The following SYNE4 variants were observed in gnomAD, a reference collection of about 807,000 sequenced individuals.
SYNE4 encodes the protein nesprin-4.
Under a neutral mutation model 46.9 loss-of-function variants are expected in SYNE4, and 41 were observed. That is an observed-to-expected ratio of 0.87 (90% confidence interval 0.68 to 1.13). The LOEUF (loss-of-function observed/expected upper bound fraction) is 1.13, where lower values mean the gene tolerates loss of function less well. Among genes scored for constraint, SYNE4 ranks in the 50% most tolerant of loss-of-function variants. The pLI is 0.00. For synonymous variants in SYNE4, 221 were observed against 219.5 expected (o/e 1.01, Z -0.06); for missense variants, 492 against 514.8 (o/e 0.96, Z 0.43).
chr19:36,007,150 G>A lies in SYNE4; in HGVS notation c.398C>T (p.Ala133Val). ...CTGCAGCTGCACCATCCCACTCTGG[G>A]CCAATGCCCAGTGCCCCAGGCCTTG... Reference protein sequence around the residue: ...LEQGLGHWALAQSGMVQLQAL... With the variant: ...LEQGLGHWALVQSGMVQLQAL... The change falls in exon 3 of 8, where the codon GCC becomes GTC. Residue 133 changes from alanine to valine, a missense_variant. Physicochemically the swap from Ala to Val is moderately conservative, Grantham distance 64. Transcript: ENST00000324444. 1.3e-6 allele frequency: 2 copies of A among 1,596,454 alleles called. No homozygotes were observed. The highest frequency in any genetic ancestry group is 1.3e-5 in the African/African-American group (1 of 74,562).
chr19:36,007,519 G>T, intron 2 of SYNE4: 2 of 985,358 alleles, frequency 2.0e-6, no homozygotes, highest in Non-Finnish European at 1.2e-6. Context: ...GGCCTGGGGG[G>T]TCTGGACAGG....
At chr19:36,008,517 C>A in intron 1 of SYNE4, 37 bp downstream of exon 1, 3 of 1,612,628 alleles carry the variant, frequency 1.9e-6, no homozygotes, top group South Asian at 2.2e-5. Context: ...CCACGCCTAC[C>A]CTTTTGGGAA....
At chr19:36,008,483 C>T in intron 1 of SYNE4, 71 bp downstream of exon 1, 8 of 1,608,938 alleles carry the variant, frequency 5.0e-6, no homozygotes, top group Non-Finnish European at 6.8e-6. Flanking sequence ...CATGGCACCT[C>T]CTACCCTCAC....
chr19:36,003,891 T>A (rs1191965378), intron 6 of SYNE4: 1 of 188,356 alleles, frequency 5.3e-6, no homozygotes, highest in Non-Finnish European at 9.9e-6. Context: ...CATTTTTGTA[T>A]TTTTAGTAGA....
At chr19:36,007,002 C>G in intron 3 of SYNE4, 58 bp from the exon 4 acceptor site, 6 of 1,528,034 alleles carry the variant, frequency 3.9e-6, no homozygotes, top group Non-Finnish European at 5.3e-6. Flanking sequence ...CCTGGAGTTA[C>G]CCCCCTCCCC....
At chr19:36,008,022 CAA>C (rs569124783) in intron 2 of SYNE4, among the ~76,000 whole-genome samples, 193 bp downstream of exon 2, 3 of 141,258 alleles carry the variant, frequency 2.1e-5, no homozygotes, top group Non-Finnish European at 1.6e-5. Flanking sequence ...GACTCCATCT[CAA>C]AAAAAAAAAG....
intron 2 of SYNE4, among the ~76,000 whole-genome samples, chr19:36,007,908 C>G (rs1968427880): frequency 6.6e-6 from 1 of 151,850 alleles, no homozygotes; most frequent in Non-Finnish European, 1.5e-5. Context: ...GCCTGTAATC[C>G]CAGCTACTCG....
At position 36,008,773 on chromosome 19, in the gene SYNE4, C is replaced by T; in HGVS notation, c.-92G>A. ...TGTCCCAGAGCTCCTCCGCTGGAGT[C>T]ACCCGGGCCTGAGGCTGCAGGAGAG... On this transcript the variant is annotated 5_prime_UTR_variant, in exon 1 of 8. Coordinates refer to ENST00000324444, the MANE Select transcript of SYNE4 (RefSeq NM_001039876.3). 1 of 1,468,802 alleles carries T rather than the reference C, an allele frequency of 6.8e-7. No individual in the cohort carries two copies. Among genetic ancestry groups the T allele is most frequent in the Admixed American group, 2.5e-5 (1 of 39,568 alleles). The allele number at this position is 1,468,802 out of a possible 1,614,324, so 91.0% of individuals were successfully genotyped here.
chr19:36,003,685 G>A lies in SYNE4; in HGVS notation c.973-14C>T. 6.2e-7 allele frequency: 1 copy of A among 1,610,352 alleles called. No individual in the cohort carries two copies. Among genetic ancestry groups the A allele is most frequent in the East Asian group, 2.2e-5 (1 of 44,852 alleles). On this transcript the variant is annotated splice_polypyrimidine_tract_variant and intron_variant, in intron 6 of 7. Transcript: ENST00000324444. Reference sequence around the variant, plus strand: ...CCTCTTCTTGTCCTAAGGAGGGAGAGCAGCCAGCAGCAGAATGGATAGAAA... The same window carrying A: ...CCTCTTCTTGTCCTAAGGAGGGAGAACAGCCAGCAGCAGAATGGATAGAAA...
intron 1 of SYNE4, 47 bp downstream of exon 1, chr19:36,008,507 C>A (rs976457204): frequency 3.1e-5 from 50 of 1,611,942 alleles, no homozygotes; most frequent in Non-Finnish European, 4.0e-5. Flanking sequence ...GCCCCTGCCA[C>A]CACGCCTACC....
intron 5 of SYNE4, 176 bp downstream of exon 5, chr19:36,006,247 G>T: frequency 1.1e-6 from 1 of 917,152 alleles, no homozygotes; most frequent in Non-Finnish European, 1.6e-6. Context: ...TGAGGATGTA[G>T]ACAGAGACAG....
intron 6 of SYNE4, among the ~76,000 whole-genome samples, chr19:36,004,021 A>T (rs1976764879): frequency 1.3e-5 from 2 of 151,900 alleles, no homozygotes; most frequent in South Asian, 2.1e-4. Context: ...TGGCCGACAC[A>T]TTATTTTTTG....
intron 1 of SYNE4, 58 bp from the exon 2 acceptor site, chr19:36,008,425 G>A (rs1158571684): frequency 2.9e-5 from 45 of 1,571,482 alleles, no homozygotes; most frequent in East Asian, 4.5e-5. Context: ...TCAGCCTACC[G>A]TCACCCCAAC....
At position 36,008,730 on chromosome 19, in the gene SYNE4, C is replaced by T; in HGVS notation, c.-49G>A. The T allele has an allele frequency of 2.6e-6, 4 of 1,556,926 alleles. No individual in the cohort carries two copies. Among genetic ancestry groups the T allele is most frequent in the Non-Finnish European group, 3.5e-6 (4 of 1,152,774 alleles). On this transcript the variant is annotated 5_prime_UTR_variant, in exon 1 of 8. Coordinates refer to ENST00000324444, the MANE Select transcript of SYNE4 (RefSeq NM_001039876.3). ...GTCAGGTGAGGGCAGCCAGTAAGAC[C>T]TCTTCCCTAGACAAGGGTGTCCCAG...
In SYNE4 at chr19:36,003,361, A is replaced by G. The variant is rs1976738519; in HGVS notation, c.1191T>C (p.Tyr397=). The change falls in exon 8 of 8, where the codon TAT becomes TAC. Residue 397 remains tyrosine, a synonymous_variant. Coordinates refer to ENST00000324444, the MANE Select transcript of SYNE4 (RefSeq NM_001039876.3). ...IPRTPYLVLS[Y]VNGLPPV ...ATCAGACTGGGGGAAGACCATTGACATAGCTGAGCACCAGGTAGGGTGTCC... is the reference window on the plus strand; with the variant it reads ...ATCAGACTGGGGGAAGACCATTGACGTAGCTGAGCACCAGGTAGGGTGTCC... 1 of 1,614,008 alleles carries G rather than the reference A, an allele frequency of 6.2e-7. No individual in the cohort carries two copies. The highest frequency in any genetic ancestry group is 8.5e-7 in the Non-Finnish European group (1 of 1,180,018).
At chr19:36,004,483 A>G (rs1976781861) in intron 6 of SYNE4, among the ~76,000 whole-genome samples, 1 of 152,298 alleles carries the variant, frequency 6.6e-6, no homozygotes, top group South Asian at 2.1e-4. Context: ...CCTTTATCCA[A>G]TACAATCCCC....
chr19:36,005,433 G>A lies in SYNE4; in HGVS notation c.872C>T (p.Ala291Val), dbSNP rs764927243. The change falls in exon 6 of 8, where the codon GCA becomes GTA. Residue 291 changes from alanine (A) to valine (V), a missense_variant. By Grantham distance (64) the Ala-to-Val change is moderately conservative. Coordinates refer to ENST00000324444, the MANE Select transcript of SYNE4 (RefSeq NM_001039876.3). ...PQGRGQGLEE[A>V]DTSHSRQDML... ...GTCCTGTCGGGAGTGAGAGGTGTCT[G>A]CTTCCTGGAGAACCAGCAACAAAGA... The A allele has an allele frequency of 4.3e-6, 7 of 1,613,800 alleles. No homozygotes were observed. Among genetic ancestry groups the A allele is most frequent in the South Asian group, 3.3e-5 (3 of 91,086 alleles).
At position 36,004,179 on chromosome 19, in the gene SYNE4, T is replaced by G. The variant is rs948541325; in HGVS notation, c.973-508A>C. Among the ~76,000 whole-genome samples, 6 of 152,314 alleles carry G rather than the reference T, an allele frequency of 3.9e-5. No individual in the cohort carries two copies. The South Asian group carries it at 8.3e-4, about 21-fold the overall frequency. On this transcript the variant is annotated intron_variant, in intron 6 of 7. Coordinates refer to ENST00000324444, the MANE Select transcript of SYNE4 (RefSeq NM_001039876.3). ...ACATGCCACTGCAACCATTTACTTT[T>G]GTTTAATGATTTGTAGAGATGGGGG...
Position 36,006,800 on chromosome 19 carries a change from T to C in SYNE4, c.568A>G (p.Ile190Val). 1 of 1,611,284 alleles carries C rather than the reference T, an allele frequency of 6.2e-7. No individual in the cohort carries two copies. Among genetic ancestry groups the C allele is most frequent in the Non-Finnish European group, 8.5e-7 (1 of 1,179,136 alleles). ...TGCAGCTGCCAGAGCCGCCGGAAGA[T>C]GGAGTCTCGGTAAGCTCCCAGGGCC... ...LRALGAYRDS[I>V]FRRLWQLQAQ... The change falls in exon 4 of 8, where the codon ATC becomes GTC. Residue 190 changes from isoleucine to valine, a missense_variant. Transcript: ENST00000324444.
Sources: allele counts gnomAD v4.1 joint callset (sites outside exome capture counted in the v4.1 genomes callset), GRCh38; gene constraint gnomAD v4.1.1; transcripts MANE v1.5; gene names NCBI Gene and HGNC (gene_info 2026-07-23, HGNC 2026-07-21).